CDK2: variants seen among roughly 807,000 people sequenced by gnomAD.
CDK2 encodes cyclin dependent kinase 2.
In CDK2, 8 loss-of-function variants were observed where a neutral mutation model predicts 35.0. The ratio of observed to expected loss-of-function variants is 0.23; its 90% CI spans 0.13 to 0.41. The LOEUF is 0.41. CDK2 is among the 10% of genes least tolerant of loss of function. The pLI is 1.00. For synonymous variants in CDK2, 134 were observed against 137.7 expected, an observed-to-expected ratio of 0.97 and a Z score of 0.19; for missense variants, 201 against 367.1, an observed-to-expected ratio of 0.55 and a Z score of 3.70.
intron 2 of CDK2, 42 bp from the exon 3 acceptor site, chr12:55,968,007 C>G (rs1452961938): frequency 3.1e-6 from 5 of 1,613,764 alleles, no homozygotes; most frequent in African/African-American, 2.7e-5. Flanking sequence ...GGGCATTTCT[C>G]TCTCTCACAC....
chr12:55,967,168 T>C (rs1352357265), intron 1 of CDK2, 44 bp downstream of exon 1: 1 of 1,417,614 alleles, frequency 7.1e-7, no homozygotes, highest in South Asian at 1.2e-5. Context: ...GGGACCTCCT[T>C]GATTGTCCCC....
chr12:55,968,656 C>G, intron 3 of CDK2, 122 bp from the exon 4 acceptor site: 1 of 727,522 alleles, frequency 1.4e-6, no homozygotes, highest in Non-Finnish European at 2.2e-6. Flanking sequence ...GGAGAAATAG[C>G]TTGTAAATAT....
intron 1 of CDK2, 146 bp from the exon 2 acceptor site, chr12:55,967,711 A>G: frequency 1.5e-6 from 1 of 668,268 alleles, no homozygotes; most frequent in East Asian, 2.7e-5. Flanking sequence ...CTACCCAAGA[A>G]TTAGCTCTTA....
intron 5 of CDK2, chr12:55,970,797 C>T (rs1414402115): frequency 1.4e-6 from 1 of 696,518 alleles, no homozygotes. Context: ...ACATTCACCC[C>T]CTCCCAGACC....
chr12:55,970,287 T>C (rs1409908330), intron 5 of CDK2, among the ~76,000 whole-genome samples: 1 of 33,088 alleles, frequency 3.0e-5, no homozygotes, highest in Non-Finnish European at 5.3e-5. Flanking sequence ...AGATTCCATC[T>C]CAAAAAAAAA....
chr12:55,969,450 G>A (rs779262417), intron 4 of CDK2, 25 bp from the exon 5 acceptor site: 9 of 1,344,540 alleles, frequency 6.7e-6, no homozygotes, highest in Admixed American at 3.5e-5. Flanking sequence ...AAACCACCCC[G>A]CCCCTCCCTA....
At chr12:55,970,043 A>T (rs569058249) in intron 5 of CDK2, among the ~76,000 whole-genome samples, 1 of 151,988 alleles carries the variant, frequency 6.6e-6, no homozygotes, top group Non-Finnish European at 1.5e-5. Flanking sequence ...GCACTTTGGG[A>T]GGCTGAGGTA....
chr12:55,971,732 C>A lies in CDK2; in HGVS notation c.*107C>A. 1.3e-6 allele frequency: 1 copy of A among 755,128 alleles called. No individual in the cohort carries two copies. Among genetic ancestry groups the A allele is most frequent in the Non-Finnish European group, 2.3e-6 (1 of 438,776 alleles). 46.8% of individuals were successfully genotyped at this position (755,128 alleles called of 1,614,324 possible). A position where few individuals can be genotyped will look rare whatever the true frequency, so the allele number is the denominator to read the frequency against. On this transcript the variant is annotated 3_prime_UTR_variant, in exon 7 of 7. Coordinates refer to ENST00000266970, the MANE Select transcript of CDK2 (RefSeq NM_001798.5). ...ACTCAGGTGGGCCCTCTGAACTTGC[C>A]TTAAACACTCACCTTCTAGTCTTGG...
rs1889406770 is a variant in CDK2 at position 55,968,915 on chromosome 12, T to G, written c.453T>G (p.Ala151=). 1 of 1,603,646 alleles carries G rather than the reference T, an allele frequency of 6.2e-7. No homozygotes were observed. Among genetic ancestry groups the G allele is most frequent in the Admixed American group, 1.7e-5 (1 of 57,718 alleles). ...IKLADFGLAR[A]FGVPVRTYTH... ...TAGCAGACTTTGGACTAGCCAGAGC[T>G]TTTGGAGTCCCTGTTCGTACTTACA... The change falls in exon 4 of 7, where the codon GCT becomes GCG. Residue 151 remains alanine (A), a synonymous_variant. Coordinates refer to ENST00000266970, the MANE Select transcript of CDK2 (RefSeq NM_001798.5).
rs112682211 is a variant in CDK2, at chr12:55,967,117, C to T, written c.109C>T (p.Leu37=). 8.7e-6 allele frequency: 14 copies of T among 1,610,658 alleles called. No homozygotes were observed. Among genetic ancestry groups the T allele is most frequent in the African/African-American group, 2.7e-5 (2 of 74,876 alleles). The change falls in exon 1 of 7, where the codon CTG becomes TTG. Residue 37 remains leucine, a synonymous_variant. Coordinates refer to ENST00000266970, the MANE Select transcript of CDK2 (RefSeq NM_001798.5). ...GGTGGTGGCGCTTAAGAAAATCCGC[C>T]TGGACACGTGAGTGGCCTCTGTACC... ...GEVVALKKIR[L]DTETEGVPST... is the part of the protein sequence containing the mutation.
intron 5 of CDK2, 92 bp from the exon 6 acceptor site, chr12:55,970,952 C>A: frequency 9.1e-7 from 1 of 1,098,504 alleles, no homozygotes; most frequent in Non-Finnish European, 1.4e-6. Flanking sequence ...GCCCTGCTGA[C>A]CTTTTACTGT....
In CDK2 at chr12:55,971,692, C is replaced by T. The variant is rs979703308; in HGVS notation, c.*67C>T. ...CCAGTGTGGGCTTGACCAGGCTTGG[C>T]CTTGGGCTATTTGGACTCAGGTGGG... On this transcript the variant is annotated 3_prime_UTR_variant, in exon 7 of 7. Transcript: ENST00000266970. 1.4e-5 allele frequency: 18 copies of T among 1,252,346 alleles called. No individual in the cohort carries two copies. In the South Asian group the frequency reaches 2.2e-4, roughly 15 times the overall value. The allele number at this position is 1,252,346 out of a possible 1,614,324, so 77.6% of individuals were successfully genotyped here. A position where few individuals can be genotyped will look rare whatever the true frequency, so the allele number is the denominator to read the frequency against.
At position 55,966,980 on chromosome 12, in the gene CDK2, G is replaced by C; in HGVS notation, c.-29G>C. ...AGGGTTCCCAGGCCCCCGCTCCAGG[G>C]CCGGGCTGACCCGACTCGCTGGCGC... On this transcript the variant is annotated 5_prime_UTR_variant, in exon 1 of 7. Transcript: ENST00000266970. 6.4e-7 allele frequency: 1 copy of C among 1,567,402 alleles called. No homozygotes were observed. The highest frequency in any genetic ancestry group is 1.1e-5 in the South Asian group (1 of 88,108).
intron 3 of CDK2, among the ~76,000 whole-genome samples, chr12:55,968,550 T>A (rs574317807): frequency 6.6e-6 from 1 of 152,322 alleles, no homozygotes; most frequent in Non-Finnish European, 1.5e-5. Flanking sequence ...ACTTTCAATC[T>A]ATTAACAAAC....
At chr12:55,968,346 T>G (rs1565780811) in intron 3 of CDK2, 177 bp downstream of exon 3, 1 of 658,830 alleles carries the variant, frequency 1.5e-6, no homozygotes, top group Admixed American at 3.1e-5. Context: ...AACCCTAGGG[T>G]TGGACTGAAC....
intron 5 of CDK2, chr12:55,970,651 T>C: frequency 1.4e-6 from 1 of 702,266 alleles, no homozygotes; most frequent in Non-Finnish European, 2.6e-6. Context: ...ACAGAAGAAA[T>C]GGAAGACAGA....
At chr12:55,967,235 T>A in intron 1 of CDK2, 111 bp downstream of exon 1, 1 of 768,032 alleles carries the variant, frequency 1.3e-6, no homozygotes. Flanking sequence ...AGGGAGGGAC[T>A]TCTTTAGAAG....
In CDK2 at chr12:55,968,916, T is replaced by G; in HGVS notation, c.454T>G (p.Phe152Val). Residue 152 changes from phenylalanine to valine, a missense_variant, in exon 4 of 7, where the codon TTT becomes GTT. Transcript: ENST00000266970. ...KLADFGLARA[F>V]GVPVRTYTHE... ...AGCAGACTTTGGACTAGCCAGAGCTTTTGGAGTCCCTGTTCGTACTTACAC... is the reference window on the plus strand; with the variant it reads ...AGCAGACTTTGGACTAGCCAGAGCTGTTGGAGTCCCTGTTCGTACTTACAC... 1 of 1,604,558 alleles carries G rather than the reference T, an allele frequency of 6.2e-7. No homozygotes were observed. The highest frequency in any genetic ancestry group is 8.5e-7 in the Non-Finnish European group (1 of 1,176,202).
Position 55,968,882 on chromosome 12 carries a change from C to A in CDK2, c.420C>A (p.Ala140=). 1 of 1,611,608 alleles carries A rather than the reference C, an allele frequency of 6.2e-7. No homozygotes were observed. Among genetic ancestry groups the A allele is most frequent in the South Asian group, 1.1e-5 (1 of 90,668 alleles). The change falls in exon 4 of 7, where the codon GCC becomes GCA. Residue 140 remains alanine, a synonymous_variant. Coordinates refer to ENST00000266970, the MANE Select transcript of CDK2 (RefSeq NM_001798.5). ...PQNLLINTEG[A]IKLADFGLAR... The stretch of plus-strand genomic sequence containing the variant: ...ATCTGCTTATTAACACAGAGGGGGC[C>A]ATCAAGCTAGCAGACTTTGGACTAG...
Sources: allele counts gnomAD v4.1 joint callset (sites outside exome capture counted in the v4.1 genomes callset), GRCh38; gene constraint gnomAD v4.1.1; transcripts MANE v1.5; gene names NCBI Gene and HGNC (gene_info 2026-07-23, HGNC 2026-07-21).